The following RAPGEF5 variants were observed in gnomAD, a reference collection of about 807,000 sequenced individuals.
The protein encoded by RAPGEF5 is Rap guanine nucleotide exchange factor 5.
A neutral mutation model predicts 125.2 loss-of-function variants in RAPGEF5; 65 were observed. The observed-to-expected ratio is 0.52, with a 90% CI of 0.43 to 0.64. The LOEUF is 0.64. RAPGEF5 is among the 30% of genes least tolerant of loss of function. The pLI is 0.00. For missense variants in RAPGEF5, 958 were observed against 1,048.1 expected (o/e 0.91, Z 1.19); for synonymous variants, 391 against 385.9 (o/e 1.01, Z -0.16).
intron 11 of RAPGEF5, among the ~76,000 whole-genome samples, chr7:22,174,264 G>T (rs1784439030): frequency 6.6e-6 from 1 of 152,170 alleles, no homozygotes; most frequent in African/African-American, 2.4e-5. Context: ...AAGAAGAATT[G>T]GAGGAGGAAA....
At chr7:22,230,010 T>C (rs1286566070) in intron 8 of RAPGEF5, among the ~76,000 whole-genome samples, 1 of 152,190 alleles carries the variant, frequency 6.6e-6, no homozygotes, top group East Asian at 1.9e-4. Context: ...AGAAATAAAA[T>C]TGCATTCAAA....
intron 5 of RAPGEF5, among the ~76,000 whole-genome samples, chr7:22,300,202 G>T (rs2528645): frequency 0.54 from 82,460 of 151,906 alleles, 23,251 homozygotes; most frequent in African/African-American, 0.7. Context: ...TTTATAATGA[G>T]CTATCTTCAG....
At chr7:22,203,680 G>C (rs879434685) in intron 9 of RAPGEF5, among the ~76,000 whole-genome samples, 1 of 152,178 alleles carries the variant, frequency 6.6e-6, no homozygotes, top group Non-Finnish European at 1.5e-5. Context: ...AGGCCCGAGG[G>C]AATAGGTGAA....
At chr7:22,126,381 C>T (rs1782746343) in intron 24 of RAPGEF5, among the ~76,000 whole-genome samples, 1 of 152,202 alleles carries the variant, frequency 6.6e-6, no homozygotes, top group African/African-American at 2.4e-5. Flanking sequence ...GCTCTTCGTA[C>T]AGCACCTATT....
At chr7:22,322,241 T>C (rs1347575162) in intron 1 of RAPGEF5, among the ~76,000 whole-genome samples, 2 of 151,790 alleles carry the variant, frequency 1.3e-5, no homozygotes, top group Non-Finnish European at 2.9e-5. Flanking sequence ...GCTCAATTCA[T>C]CCTCCCACCT....
intron 1 of RAPGEF5, among the ~76,000 whole-genome samples, chr7:22,333,278 G>C (rs188385622): frequency 4.2e-4 from 64 of 152,256 alleles, no homozygotes; most frequent in African/African-American, 1.1e-3. Context: ...TGGGGGGTCA[G>C]GGGGAGGAGG....
At chr7:22,174,715 AG>A (rs71026859) in intron 11 of RAPGEF5, among the ~76,000 whole-genome samples, 13,007 of 152,238 alleles carry the variant, frequency 0.085, 774 homozygotes, top group East Asian at 0.32. Flanking sequence ...CCACAGGAAA[AG>A]GGAAGTGAAG....
At chr7:22,323,754 A>C (rs1035589580) in intron 1 of RAPGEF5, among the ~76,000 whole-genome samples, 2 of 152,200 alleles carry the variant, frequency 1.3e-5, no homozygotes, top group Non-Finnish European at 2.9e-5. Context: ...TTTGAACAGC[A>C]AATAAATGAA....
chr7:22,169,378 TA>T (rs1463481817), intron 11 of RAPGEF5, among the ~76,000 whole-genome samples: 2 of 152,234 alleles, frequency 1.3e-5, no homozygotes, highest in Non-Finnish European at 2.9e-5. Context: ...TTACAGTTTT[TA>T]AAAATAGTTT....
chr7:22,227,209 G>A lies in RAPGEF5; in HGVS notation c.870+3637C>T, dbSNP rs116398718. ...ATTCTTGACCACACTGGTAAGCAGG[G>A]TAGCAAAGTTAAAAAAAAAAATTAA... On this transcript the variant is annotated intron_variant, in intron 8 of 25. Transcript: ENST00000665637. Among the ~76,000 whole-genome samples, 992 of 151,230 alleles carry A rather than the reference G, an allele frequency of 6.6e-3. 11 individuals are homozygous for A. Among genetic ancestry groups the A allele is most frequent in the African/African-American group, 0.023 (942 of 41,276 alleles).
chr7:22,322,024 G>A (rs973501613), intron 1 of RAPGEF5, among the ~76,000 whole-genome samples: 10 of 152,144 alleles, frequency 6.6e-5, no homozygotes, highest in African/African-American at 2.4e-4. Context: ...TGGGTCAGGT[G>A]CGGTGGATCA....
chr7:22,302,767 C>A (rs1783240340), intron 5 of RAPGEF5, among the ~76,000 whole-genome samples: 1 of 149,968 alleles, frequency 6.7e-6, no homozygotes, highest in Non-Finnish European at 1.5e-5. Context: ...CTTCTTCCCC[C>A]CACCCCACCC....
At chr7:22,142,128 C>T (rs1209431942) in intron 20 of RAPGEF5, among the ~76,000 whole-genome samples, 1 of 152,192 alleles carries the variant, frequency 6.6e-6, no homozygotes, top group Non-Finnish European at 1.5e-5. Context: ...TGTTCCATCC[C>T]CCTGCTGGAA....
chr7:22,147,072 G>A, intron 18 of RAPGEF5, 53 bp from the exon 19 acceptor site: 1 of 1,582,318 alleles, frequency 6.3e-7, no homozygotes, highest in Non-Finnish European at 8.6e-7. Flanking sequence ...GTTTTGCACT[G>A]CATTGGCTGG....
intron 11 of RAPGEF5, among the ~76,000 whole-genome samples, chr7:22,177,176 G>A (rs1784534927): frequency 6.6e-6 from 1 of 152,156 alleles, no homozygotes; most frequent in Admixed American, 6.5e-5. Context: ...TGTTCACAGA[G>A]CTTGGGAATC....
intron 7 of RAPGEF5, among the ~76,000 whole-genome samples, chr7:22,266,224 T>G (rs1782279061): frequency 6.6e-6 from 1 of 152,166 alleles, no homozygotes; most frequent in Admixed American, 6.5e-5. Flanking sequence ...AACGTCTTAT[T>G]CTAGTTTAAC....
At chr7:22,308,288 A>T in intron 5 of RAPGEF5, 51 bp downstream of exon 5, 1 of 1,487,338 alleles carries the variant, frequency 6.7e-7, no homozygotes, top group South Asian at 1.3e-5. Flanking sequence ...TAGACATGGT[A>T]AATGTTGTCT....
Position 22,119,328 on chromosome 7 carries a change from C to T in RAPGEF5, c.*3078G>A, listed in dbSNP as rs1245794623. The T allele has an allele frequency of 6.6e-6, 1 of 152,184 alleles. No homozygotes were observed. Among genetic ancestry groups the T allele is most frequent in the Non-Finnish European group, 1.5e-5 (1 of 68,052 alleles). The allele number at this position is 152,184 out of a possible 1,614,324, so 9.4% of individuals were successfully genotyped here. On this transcript the variant is annotated 3_prime_UTR_variant, in exon 26 of 26. Coordinates refer to ENST00000665637, the MANE Select transcript of RAPGEF5 (RefSeq NM_012294.5). This position sits in a 1 kb window ranked among gnomAD's most constrained non-coding sequence, Gnocchi z 4.1. ...TTCTAAATTCGGTGTATGCTCCACA[C>T]TACCTGTTTGTGGTTCTCGGTCTAG...
chr7:22,151,622 G>A (rs1038971883), intron 17 of RAPGEF5, among the ~76,000 whole-genome samples: 9 of 151,726 alleles, frequency 5.9e-5, no homozygotes, highest in Non-Finnish European at 8.8e-5. Context: ...CTGCTACCAC[G>A]CCTGGCTAAT....
Sources: allele counts gnomAD v4.1 joint callset (sites outside exome capture counted in the v4.1 genomes callset), GRCh38; gene constraint gnomAD v4.1.1; non-coding constraint Gnocchi (gnomAD v3.1); transcripts MANE v1.5; gene names NCBI Gene and HGNC (gene_info 2026-07-23, HGNC 2026-07-21).